SLC44A1: variants seen among roughly 807,000 people sequenced by gnomAD.
SLC44A1 encodes choline transporter-like protein 1.
SLC44A1 carries 26 observed loss-of-function variants against 79.3 expected under a neutral mutation model. That is an observed-to-expected ratio of 0.33 (90% CI 0.24 to 0.46). The LOEUF (loss-of-function observed/expected upper bound fraction) is 0.46, where lower values mean the gene tolerates loss of function less well. Among genes scored for constraint, SLC44A1 ranks in the 20% least tolerant of loss-of-function variants. SLC44A1 has a pLI of 1.00. For missense variants in SLC44A1, 688 were observed against 798.1 expected (o/e 0.86, Z 1.66); for synonymous variants, 263 against 286.2 (o/e 0.92, Z 0.82).
chr9:105,430,331 T>A (rs985716784), intron 15 of SLC44A1, among the ~76,000 whole-genome samples: 21 of 152,208 alleles, frequency 1.4e-4, no homozygotes, highest in Admixed American at 1.2e-3. Flanking sequence ...TACTTCATGG[T>A]TTTTGGCAAA....
intron 1 of SLC44A1, among the ~76,000 whole-genome samples, chr9:105,280,503 A>T (rs1830324266): frequency 6.6e-6 from 1 of 152,242 alleles, no homozygotes; most frequent in Non-Finnish European, 1.5e-5. Flanking sequence ...TAGTATAAAT[A>T]AGAATTTATT....
intron 15 of SLC44A1, among the ~76,000 whole-genome samples, chr9:105,418,342 A>G (rs1829201844): frequency 6.6e-6 from 1 of 151,528 alleles, no homozygotes; most frequent in African/African-American, 2.4e-5. Context: ...AAAAGAAAGA[A>G]AGAAAAAGAT....
chr9:105,395,125 G>A lies in SLC44A1; in HGVS notation c.*6069G>A. ...CCATTTCCTACTTTTTCAGGCTGAA[G>A]AAAGTGGAAATATAACTGGCTGGTG... On this transcript the variant is annotated 3_prime_UTR_variant, in exon 16 of 16. Coordinates refer to ENST00000374720, the MANE Select transcript of SLC44A1 (RefSeq NM_080546.5). 1 of 985,454 alleles carries A rather than the reference G, an allele frequency of 1.0e-6. No individual in the cohort carries two copies. The highest frequency in any genetic ancestry group is 1.2e-6 in the Non-Finnish European group (1 of 829,944). 61.0% of individuals were successfully genotyped at this position (985,454 alleles called of 1,614,324 possible).
chr9:105,421,894 T>C (rs1009288136), intron 15 of SLC44A1, among the ~76,000 whole-genome samples: 8 of 152,316 alleles, frequency 5.3e-5, no homozygotes, highest in African/African-American at 1.4e-4. Context: ...GCCAGGAATC[T>C]GCTTTGAATT....
intron 1 of SLC44A1, among the ~76,000 whole-genome samples, chr9:105,271,285 T>G (rs1468715937): frequency 6.6e-6 from 1 of 152,180 alleles, no homozygotes; most frequent in African/African-American, 2.4e-5. Context: ...TTCTAGAAGG[T>G]TCTGACAAAC....
intron 7 of SLC44A1, among the ~76,000 whole-genome samples, chr9:105,358,963 G>C (rs151028005): frequency 6.6e-6 from 1 of 151,980 alleles, no homozygotes; most frequent in African/African-American, 2.4e-5. Flanking sequence ...GTTCTTCCCT[G>C]CCTCCCTTAA....
intron 12 of SLC44A1, among the ~76,000 whole-genome samples, chr9:105,372,971 A>G (rs1435032301): frequency 1.3e-5 from 2 of 151,088 alleles, no homozygotes; most frequent in African/African-American, 2.4e-5. Flanking sequence ...AAAAAGAACC[A>G]CAGGTAGTGA....
intron 15 of SLC44A1, among the ~76,000 whole-genome samples, chr9:105,407,781 A>G (rs1489569116): frequency 6.6e-6 from 1 of 152,090 alleles, no homozygotes; most frequent in East Asian, 1.9e-4. Flanking sequence ...GAAGCAGGAG[A>G]ATCACTTGAA....
At chr9:105,313,504 C>T (rs1171224428) in intron 3 of SLC44A1, among the ~76,000 whole-genome samples, 2 of 152,094 alleles carry the variant, frequency 1.3e-5, no homozygotes, top group Non-Finnish European at 2.9e-5. Flanking sequence ...GGGGAGGTTC[C>T]CCTTCTAAGC....
intron 11 of SLC44A1, 45 bp downstream of exon 11, chr9:105,365,684 G>C (rs530155884): frequency 1.9e-6 from 3 of 1,558,524 alleles, no homozygotes; most frequent in African/African-American, 2.7e-5. Context: ...GCACATTCCA[G>C]ACCTCAGTTC....
At position 105,339,277 on chromosome 9, in the gene SLC44A1, A is replaced by G. The variant is rs546936895; in HGVS notation, c.406+3578A>G. ...CACACAAGTGTTGGTGAGGATGTAG[A>G]GAATCGGAACCTTTGTGTACCGTTG... On this transcript the variant is annotated intron_variant, in intron 4 of 15. Transcript: ENST00000374720. Among the ~76,000 whole-genome samples, 50 of 152,302 alleles carry G rather than the reference A, an allele frequency of 3.3e-4. No individual in the cohort carries two copies. The South Asian group carries it at 9.7e-3, about 30-fold the overall frequency.
intron 1 of SLC44A1, among the ~76,000 whole-genome samples, chr9:105,270,396 T>C (rs919203289): frequency 6.6e-6 from 1 of 152,152 alleles, no homozygotes; most frequent in Non-Finnish European, 1.5e-5. Context: ...GCCTGAGTGA[T>C]CAAAAAGGTG....
rs560860387 is a variant in SLC44A1, at chr9:105,408,804, T to A, written c.1950+23302T>A. 9.2e-5 allele frequency among the ~76,000 whole-genome samples: 14 copies of A among 152,306 alleles called. 1 individual carries two copies. The South Asian group carries it at 2.7e-3, about 29-fold the overall frequency. On this transcript the variant is annotated intron_variant, in intron 15 of 15. Coordinates refer to the SLC44A1 transcript ENST00000374724. Reference sequence around the variant, plus strand: ...AATGAACACACAATGTATAAAGATATAATGTATGACAATAACAACATAAAG... The same window carrying A: ...AATGAACACACAATGTATAAAGATAAAATGTATGACAATAACAACATAAAG...
intron 2 of SLC44A1, among the ~76,000 whole-genome samples, chr9:105,303,103 C>T (rs1362724072): frequency 2.6e-5 from 4 of 152,068 alleles, no homozygotes; most frequent in African/African-American, 9.7e-5. Context: ...AGCTCAAATC[C>T]CACCCCAGCT....
At chr9:105,270,238 C>T (rs1012745459) in intron 1 of SLC44A1, among the ~76,000 whole-genome samples, 11 of 152,074 alleles carry the variant, frequency 7.2e-5, no homozygotes, top group Admixed American at 2.6e-4. Flanking sequence ...ATGTGATGTC[C>T]CTTTTTCTAA....
At chr9:105,381,162 A>G (rs1741773631) in intron 13 of SLC44A1, among the ~76,000 whole-genome samples, 1 of 152,138 alleles carries the variant, frequency 6.6e-6, no homozygotes, top group South Asian at 2.1e-4. Context: ...GAAGAACCTC[A>G]GCCCTCCAAG....
intron 15 of SLC44A1, among the ~76,000 whole-genome samples, chr9:105,427,866 A>G (rs1432924738): frequency 1.3e-5 from 2 of 152,180 alleles, no homozygotes; most frequent in African/African-American, 2.4e-5. Context: ...CTTAATAATA[A>G]CGGCAAAAGA....
rs542460487 is a variant in SLC44A1 at position 105,385,081 on chromosome 9, C to A, written c.1870-341C>A. Among the ~76,000 whole-genome samples, 91 of 152,078 alleles carry A rather than the reference C, an allele frequency of 6.0e-4. 1 individual carries two copies. The East Asian group carries it at 0.016, about 27-fold the overall frequency. On this transcript the variant is annotated intron_variant, in intron 14 of 15. Transcript: ENST00000374720. The stretch of plus-strand genomic sequence containing the variant: ...CATTTAACCTTGATATAGAAAAAAA[C>A]AACAACAACAAATAAAATGATATTC...
intron 1 of SLC44A1, among the ~76,000 whole-genome samples, chr9:105,256,987 T>C (rs1289385652): frequency 1.3e-5 from 2 of 152,044 alleles, no homozygotes; most frequent in East Asian, 3.9e-4. Context: ...GATTTCACCA[T>C]GTTGGTCAGG....
Sources: gnomAD v4.1 joint callset for allele counts (sites outside exome capture counted in the v4.1 genomes callset) on GRCh38, gnomAD v4.1.1 for gene constraint, MANE v1.5 for transcripts, NCBI Gene and HGNC (gene_info 2026-07-23, HGNC 2026-07-21) for gene names.